KANK1: variants seen among roughly 807,000 people sequenced by gnomAD.
KANK1 encodes KN motif and ankyrin repeat domain-containing protein 1.
In KANK1, 109 loss-of-function variants were observed where a neutral mutation model predicts 106.2. The ratio of observed to expected loss-of-function variants is 1.03; its 90% confidence interval spans 0.88 to 1.20. KANK1 has a LOEUF of 1.20. Ranked by LOEUF, KANK1 falls within the 50% of genes most tolerant of loss-of-function variation. The pLI, the probability that KANK1 is intolerant of heterozygous loss-of-function variation, is 0.00. For missense variants in KANK1, 2,399 were observed against 1,710.7 expected (o/e 1.40, Z -7.10); for synonymous variants, 873 against 652.2 (o/e 1.34, Z -5.16).
At chr9:480,824 G>T (rs900749229) in intron 3 of KANK1, among the ~76,000 whole-genome samples, 1 of 152,168 alleles carries the variant, frequency 6.6e-6, no homozygotes, top group African/African-American at 2.4e-5. Flanking sequence ...TTAAGGGGTT[G>T]GGCAGATAAA....
At position 744,924 on chromosome 9, in the gene KANK1, C is replaced by T. The variant is rs535099125; in HGVS notation, c.3997-249C>T. ...CTGGCATTGTTCCTGAAGCAGATGG[C>T]AGGCAGCCTGTAGTCCACAGTTCAC... On this transcript the variant is annotated intron_variant, in intron 11 of 11. Coordinates refer to ENST00000382297, the MANE Select transcript of KANK1 (RefSeq NM_015158.5). 7.4e-5 allele frequency: 105 copies of T among 1,424,656 alleles called. No homozygotes were observed. The African/African-American group carries it at 1.3e-3, about 17-fold the overall frequency. 88.3% of individuals were successfully genotyped at this position (1,424,656 alleles called of 1,614,324 possible).
intron 1 of KANK1, among the ~76,000 whole-genome samples, chr9:569,025 C>T (rs1254931070): frequency 1.3e-5 from 2 of 152,134 alleles, no homozygotes; most frequent in Non-Finnish European, 2.9e-5. Context: ...TTCTACCCAC[C>T]TGTAGAGGTT....
At chr9:550,473 C>T (rs1277526891) in intron 1 of KANK1, among the ~76,000 whole-genome samples, 1 of 152,136 alleles carries the variant, frequency 6.6e-6, no homozygotes, top group African/African-American at 2.4e-5. Context: ...CGCCAGGTGG[C>T]GTGGCTCACA....
intron 1 of KANK1, among the ~76,000 whole-genome samples, chr9:645,387 C>A (rs1839437169): frequency 7.3e-6 from 1 of 137,106 alleles, no homozygotes; most frequent in Non-Finnish European, 1.5e-5. Flanking sequence ...TTGTAGTGAT[C>A]CAAGATCATA....
chr9:473,010 C>T lies in KANK1; in HGVS notation c.-441-184C>T, dbSNP rs142433967. On this transcript the variant is annotated intron_variant, in intron 2 of 15. Transcript: ENST00000382303. ...GCTCACTAAAGCTCTTCATGACAAA[C>T]GGGTATAGTCATGGGGGCCGCTAAG... Among the ~76,000 whole-genome samples, 50 of 152,288 alleles carry T rather than the reference C, an allele frequency of 3.3e-4. No individual in the cohort carries two copies. The East Asian group carries it at 6.4e-3, about 19-fold the overall frequency.
At chr9:543,120 A>G (rs578100396) in intron 1 of KANK1, among the ~76,000 whole-genome samples, 1 of 152,284 alleles carries the variant, frequency 6.6e-6, no homozygotes, top group South Asian at 2.1e-4. Flanking sequence ...GTATATTGTA[A>G]ATATATACAA....
intron 8 of KANK1, among the ~76,000 whole-genome samples, chr9:739,847 A>AGCAGAGTCC (rs543497343): frequency 6.6e-6 from 1 of 152,032 alleles, no homozygotes; most frequent in Non-Finnish European, 1.5e-5. Flanking sequence ...ATCTATGCAG[A>AGCAGAGTCC]GCAGAGTCCG....
chr9:662,526 A>G (rs947954085), intron 1 of KANK1, among the ~76,000 whole-genome samples: 5 of 117,826 alleles, frequency 4.2e-5, no homozygotes, highest in African/African-American at 1.7e-4. Flanking sequence ...AACACCACAC[A>G]TCTACAACCA....
At chr9:548,567 C>G (rs2061076988) in intron 1 of KANK1, among the ~76,000 whole-genome samples, 1 of 152,068 alleles carries the variant, frequency 6.6e-6, no homozygotes, top group African/African-American at 2.4e-5. Flanking sequence ...ATATTTGTGA[C>G]TTCTGTGAAA....
intron 3 of KANK1, among the ~76,000 whole-genome samples, chr9:493,674 T>TGA (rs1409760541): frequency 2.1e-5 from 3 of 144,038 alleles, no homozygotes; most frequent in South Asian, 2.4e-4. Context: ...CAGCCTCCCA[T>TGA]GTAGCTGGGA....
chr9:569,500 C>T (rs900350771), intron 1 of KANK1, among the ~76,000 whole-genome samples: 1 of 152,146 alleles, frequency 6.6e-6, no homozygotes, highest in Non-Finnish European at 1.5e-5. Context: ...TGTGCTGCCT[C>T]CAGACTCTGT....
chr9:543,400 A>AC, intron 1 of KANK1, among the ~76,000 whole-genome samples: 1 of 151,948 alleles, frequency 6.6e-6, no homozygotes, highest in Non-Finnish European at 1.5e-5. Context: ...TATTAAAACT[A>AC]CAAAAAAAAA....
intron 1 of KANK1, among the ~76,000 whole-genome samples, chr9:658,564 C>T (rs995538073): frequency 1.3e-5 from 2 of 151,764 alleles, no homozygotes; most frequent in African/African-American, 4.8e-5. Flanking sequence ...CCTCTCTAAG[C>T]CCTAGGTCTT....
chr9:512,947 A>C (rs1218728397), intron 1 of KANK1, among the ~76,000 whole-genome samples: 5 of 152,220 alleles, frequency 3.3e-5, no homozygotes, highest in African/African-American at 1.2e-4. Flanking sequence ...GATTTAAAAT[A>C]AAGCAGTCCA....
intron 2 of KANK1, among the ~76,000 whole-genome samples, chr9:679,460 G>A (rs1242284990): frequency 6.6e-6 from 1 of 152,096 alleles, no homozygotes; most frequent in Non-Finnish European, 1.5e-5. Flanking sequence ...TGTCACCCAG[G>A]CTGGAGTGCA....
chr9:535,451 T>G (rs2060253721), intron 1 of KANK1, among the ~76,000 whole-genome samples: 1 of 152,234 alleles, frequency 6.6e-6, no homozygotes, highest in Admixed American at 6.5e-5. Flanking sequence ...GTGCCTACTC[T>G]GTACTGGGCA....
intron 1 of KANK1, among the ~76,000 whole-genome samples, chr9:666,129 A>T (rs1844506738): frequency 6.6e-6 from 1 of 152,140 alleles, no homozygotes; most frequent in Non-Finnish European, 1.5e-5. Context: ...TGCAGTGCTC[A>T]CTGCATTGGT....
intron 2 of KANK1, among the ~76,000 whole-genome samples, chr9:678,479 A>G (rs1816844179): frequency 6.6e-6 from 1 of 152,190 alleles, no homozygotes; most frequent in African/African-American, 2.4e-5. Flanking sequence ...CTGTAATCCC[A>G]GCATTTTGGG....
At chr9:689,237 G>A (rs1047989739) in intron 2 of KANK1, among the ~76,000 whole-genome samples, 26 of 152,254 alleles carry the variant, frequency 1.7e-4, no homozygotes, top group African/African-American at 5.3e-4. Flanking sequence ...AAGCCCATGC[G>A]ACACTAGTTT....
Sources: allele counts gnomAD v4.1 joint callset (sites outside exome capture counted in the v4.1 genomes callset), GRCh38; gene constraint gnomAD v4.1.1; transcripts MANE v1.5; gene names NCBI Gene and HGNC (gene_info 2026-07-23, HGNC 2026-07-21).